Variants in CDKL3 observed in about 807,000 individuals in gnomAD.
CDKL3 encodes cyclin dependent kinase like 3.
Under a neutral mutation model 69.3 loss-of-function variants are expected in CDKL3, and 65 were observed. The ratio of observed to expected loss-of-function variants is 0.94; its 90% CI spans 0.77 to 1.15. The LOEUF is 1.15. Ranked by LOEUF, CDKL3 falls within the 50% of genes most tolerant of loss-of-function variation. CDKL3 has a pLI of 0.00. For missense variants in CDKL3, 652 were observed against 689.2 expected, an observed-to-expected ratio of 0.95 and a Z score of 0.61; for synonymous variants, 202 against 221.6, an observed-to-expected ratio of 0.91 and a Z score of 0.79.
At chr5:134,318,406 T>C (rs1771760479) in intron 6 of CDKL3, among the ~76,000 whole-genome samples, 1 of 152,066 alleles carries the variant, frequency 6.6e-6, no homozygotes. Context: ...GTACAAAAAA[T>C]AGGTCCCTAA....
At chr5:134,325,359 C>T (rs1773874008) in intron 4 of CDKL3, among the ~76,000 whole-genome samples, 1 of 152,130 alleles carries the variant, frequency 6.6e-6, no homozygotes, top group Admixed American at 6.5e-5. Context: ...TTCAGATCTA[C>T]ATTATAACCA....
At chr5:134,286,766 C>G (rs548226930) in intron 8 of CDKL3, among the ~76,000 whole-genome samples, 45 of 152,274 alleles carry the variant, frequency 3.0e-4, no homozygotes, top group Non-Finnish European at 5.7e-4. Context: ...ATTATGAGAA[C>G]AGCACAGGAA....
chr5:134,298,824 G>T, intron 12 of CDKL3, 114 bp from the exon 13 acceptor site: 1 of 1,378,554 alleles, frequency 7.3e-7, no homozygotes, highest in Non-Finnish European at 9.9e-7. Flanking sequence ...TTATAAACAT[G>T]CTAGTCAAGC....
At chr5:134,371,351 G>A (rs569600369), upstream of CDKL3, 7 of 607,348 alleles carry the variant, frequency 1.2e-5, no homozygotes, top group South Asian at 1.2e-4. Context: ...GAAGGGCTCG[G>A]GGAAGGCGCG....
At chr5:134,322,997 G>T (rs1773195516) in intron 4 of CDKL3, among the ~76,000 whole-genome samples, 1 of 151,128 alleles carries the variant, frequency 6.6e-6, no homozygotes, top group African/African-American at 2.4e-5. Flanking sequence ...AAAAAAAATT[G>T]ATGAGGTAGG....
At chr5:134,328,622 G>C (rs986636077) in intron 4 of CDKL3, among the ~76,000 whole-genome samples, 1 of 151,972 alleles carries the variant, frequency 6.6e-6, no homozygotes, top group African/African-American at 2.4e-5. Flanking sequence ...AAATAATGGA[G>C]AAAAACTGCC....
chr5:134,309,542 T>C (rs570151750), intron 7 of CDKL3, among the ~76,000 whole-genome samples: 90 of 152,340 alleles, frequency 5.9e-4, no homozygotes, highest in African/African-American at 2.0e-3. Flanking sequence ...AGAAAGTCCA[T>C]TCATGTGGTT....
At chr5:134,291,028 T>C (rs1765104483) in intron 8 of CDKL3, among the ~76,000 whole-genome samples, 1 of 151,950 alleles carries the variant, frequency 6.6e-6, no homozygotes, top group African/African-American at 2.4e-5. Flanking sequence ...ATTTTGAAAA[T>C]AGAGCTGAAA....
chr5:134,313,210 G>A (rs981727627), intron 6 of CDKL3, among the ~76,000 whole-genome samples: 10 of 152,126 alleles, frequency 6.6e-5, no homozygotes, highest in African/African-American at 2.4e-4. Context: ...GACAGCCACT[G>A]TGCTTGGCCT....
chr5:134,290,670 G>A (rs1765088342), intron 8 of CDKL3, among the ~76,000 whole-genome samples: 1 of 152,040 alleles, frequency 6.6e-6, no homozygotes, highest in Non-Finnish European at 1.5e-5. Flanking sequence ...AGGGTTTTGG[G>A]CAGAGCAATG....
chr5:134,319,530 CAG>C, intron 5 of CDKL3, 33 bp from the exon 6 acceptor site: 7 of 1,482,030 alleles, frequency 4.7e-6, no homozygotes, highest in Non-Finnish European at 6.3e-6. Flanking sequence ...ATTTAAAAAA[CAG>C]AGAAATAGTC....
chr5:134,322,107 G>A (rs908497821), intron 4 of CDKL3, among the ~76,000 whole-genome samples: 1 of 152,014 alleles, frequency 6.6e-6, no homozygotes, highest in Non-Finnish European at 1.5e-5. Flanking sequence ...TGCAACCTCC[G>A]GGTTCAAGCA....
intron 3 of CDKL3, among the ~76,000 whole-genome samples, chr5:134,358,304 C>T (rs1755112477): frequency 6.6e-6 from 1 of 152,180 alleles, no homozygotes; most frequent in Admixed American, 6.5e-5. Context: ...TGGTACCCCA[C>T]CTGAATGCAT....
At chr5:134,311,694 A>G (rs1445211322) in intron 7 of CDKL3, among the ~76,000 whole-genome samples, 1 of 152,244 alleles carries the variant, frequency 6.6e-6, no homozygotes, top group Non-Finnish European at 1.5e-5. Context: ...TCTCTGGTCT[A>G]TGATGACACT....
chr5:134,308,782 T>G, intron 7 of CDKL3, 55 bp from the exon 8 acceptor site: 1 of 1,409,398 alleles, frequency 7.1e-7, no homozygotes, highest in Non-Finnish European at 9.5e-7. Context: ...AGATGGAGTA[T>G]TTTATCTTGA....
intron 3 of CDKL3, among the ~76,000 whole-genome samples, chr5:134,356,016 T>C (rs1754522434): frequency 6.6e-6 from 1 of 152,206 alleles, no homozygotes. Context: ...GTGCATTACA[T>C]TTATAGTGCA....
intron 3 of CDKL3, among the ~76,000 whole-genome samples, chr5:134,358,537 TTC>T (rs1755188814): frequency 6.6e-6 from 1 of 152,004 alleles, no homozygotes; most frequent in African/African-American, 2.4e-5. Context: ...TTCCTTTTTT[TTC>T]TTTTCTTTCC....
intron 2 of CDKL3, 104 bp downstream of exon 2, chr5:134,366,255 C>A (rs17167476): frequency 0.1 from 78,056 of 747,760 alleles, 5,169 homozygotes; most frequent in African/African-American, 0.25. Flanking sequence ...ACTTGTTTCT[C>A]CATAATATGA....
chr5:134,299,866 C>A, intron 12 of CDKL3: 1 of 648,972 alleles, frequency 1.5e-6, no homozygotes, highest in Non-Finnish European at 2.6e-6. Flanking sequence ...TCATAAGGTA[C>A]AGGGAAACTA....
Sources: gnomAD v4.1 joint callset for allele counts (sites outside exome capture counted in the v4.1 genomes callset) on GRCh38, gnomAD v4.1.1 for gene constraint, MANE v1.5 for transcripts, NCBI Gene and HGNC (gene_info 2026-07-23, HGNC 2026-07-21) for gene names.